Variants in PDZD2 observed in about 807,000 individuals in gnomAD.
PDZD2 encodes PDZ domain containing 2.
PDZD2 carries 90 observed loss-of-function variants against 220.7 expected under a neutral mutation model. The observed-to-expected ratio is 0.41, with a 90% CI of 0.34 to 0.49. The LOEUF (loss-of-function observed/expected upper bound fraction) is 0.49. Ranked by LOEUF, PDZD2 falls within the 20% of genes least tolerant of loss-of-function variation. The probability of loss-of-function intolerance (pLI) is 0.28; values close to 1 mark genes in which losing one functional copy is unlikely to be tolerated. For synonymous variants in PDZD2, 1,375 were observed against 1,450.5 expected (o/e 0.95, Z 1.18); for missense variants, 3,174 against 3,608.5 (o/e 0.88, Z 3.08).
chr5:31,736,475 C>A (rs375183), intron 1 of PDZD2, among the ~76,000 whole-genome samples: 53,963 of 152,026 alleles, frequency 0.35, 10,136 homozygotes, highest in East Asian at 0.66. Flanking sequence ...CATTTGCCCA[C>A]GCTAATGTGA....
chr5:32,031,218 C>G (rs1460677866), intron 6 of PDZD2, among the ~76,000 whole-genome samples: 1 of 152,212 alleles, frequency 6.6e-6, no homozygotes, highest in African/African-American at 2.4e-5. Context: ...TAGGAACCGT[C>G]AAGAGTCTTT....
intron 3 of PDZD2, among the ~76,000 whole-genome samples, chr5:31,987,771 G>C (rs917989736): frequency 1.3e-5 from 2 of 152,164 alleles, no homozygotes; most frequent in African/African-American, 4.8e-5. Flanking sequence ...TTCATTGGGG[G>C]TGACCAACCA....
At chr5:31,882,474 G>A (rs1352117155) in intron 2 of PDZD2, among the ~76,000 whole-genome samples, 1 of 152,178 alleles carries the variant, frequency 6.6e-6, no homozygotes, top group African/African-American at 2.4e-5. Context: ...AGGGAGGAGA[G>A]GGTGTTTTCA....
intron 1 of PDZD2, among the ~76,000 whole-genome samples, chr5:31,794,525 C>T (rs1050818567): frequency 6.6e-6 from 1 of 151,346 alleles, no homozygotes; most frequent in African/African-American, 2.4e-5. Context: ...CTCAGCCTCC[C>T]GAGTAGCTGG....
Position 32,091,109 on chromosome 5 carries a change from C to T in PDZD2, c.7661C>T (p.Pro2554Leu). The change falls in exon 20 of 25, where the codon CCC (proline) becomes CTC (leucine). Residue 2554 changes from proline (P) to leucine (L), a missense_variant. Pro to Leu is a moderately conservative substitution (Grantham distance 98). This residue lies in a region of PDZD2 where 631 missense variants were observed against 789.9 expected (regional missense o/e 0.80). Coordinates refer to ENST00000438447, the MANE Select transcript of PDZD2 (RefSeq NM_178140.4). ...CCTAAAACCAGTGCTGCTGAGACACCCAGTTCAGCCAGTGATACGGGTGAA... is the reference window on the plus strand; with the variant it reads ...CCTAAAACCAGTGCTGCTGAGACACTCAGTTCAGCCAGTGATACGGGTGAA... ...SGPKTSAAETPSSASDTGEAA... is the reference protein window; with the variant it reads ...SGPKTSAAETLSSASDTGEAA... The T allele has an allele frequency of 6.3e-7, 1 of 1,599,754 alleles. No homozygotes were observed. The highest frequency in any genetic ancestry group is 8.6e-7 in the Non-Finnish European group (1 of 1,168,210).
At position 31,967,964 on chromosome 5, in the gene PDZD2, G is replaced by A. The variant is rs528725644; in HGVS notation, c.477-15191G>A. On this transcript the variant is annotated intron_variant, in intron 2 of 24. Transcript: ENST00000438447. ...AAAATAAAATGCAGTTGATATGATT[G>A]CATGGTAACATGAATATATTAGCAT... 1.4e-4 allele frequency among the ~76,000 whole-genome samples: 22 copies of A among 152,340 alleles called. No homozygotes were observed. In the South Asian group the frequency reaches 4.1e-3, roughly 29 times the overall value.
At chr5:31,725,710 G>T (rs1308012875) in intron 1 of PDZD2, 1 of 886,972 alleles carries the variant, frequency 1.1e-6, no homozygotes, top group East Asian at 2.4e-5. Flanking sequence ...CTCTAGTTTT[G>T]GTATGAGATG....
chr5:31,889,012 C>G (rs1437741306), intron 2 of PDZD2, among the ~76,000 whole-genome samples: 1 of 152,164 alleles, frequency 6.6e-6, no homozygotes, highest in Non-Finnish European at 1.5e-5. Context: ...ATGCTCCTCC[C>G]CGAGCCCCCT....
intron 2 of PDZD2, among the ~76,000 whole-genome samples, chr5:31,925,090 T>C (rs1744622009): frequency 1.3e-5 from 2 of 152,230 alleles, no homozygotes; most frequent in South Asian, 4.1e-4. Context: ...ATCTATGTCC[T>C]GCAATGACCG....
At chr5:31,895,270 G>A (rs1741444362) in intron 2 of PDZD2, among the ~76,000 whole-genome samples, 1 of 152,210 alleles carries the variant, frequency 6.6e-6, no homozygotes, top group African/African-American at 2.4e-5. Context: ...TAACCCTGAA[G>A]GTTGAGGGTA....
intron 1 of PDZD2, among the ~76,000 whole-genome samples, chr5:31,793,264 T>A (rs1337931088): frequency 1.3e-5 from 1 of 79,750 alleles, no homozygotes; most frequent in African/African-American, 4.9e-5. Flanking sequence ...GGGTGGGGGG[T>A]GGGGGAACAG....
chr5:31,899,646 A>G (rs1741905822), intron 2 of PDZD2, among the ~76,000 whole-genome samples: 1 of 152,148 alleles, frequency 6.6e-6, no homozygotes, highest in Admixed American at 6.6e-5. Flanking sequence ...ACTATGATCG[A>G]ATGTTTATGT....
At chr5:31,699,196 G>T (rs571302473) in intron 1 of PDZD2, among the ~76,000 whole-genome samples, 33 of 152,264 alleles carry the variant, frequency 2.2e-4, no homozygotes, top group African/African-American at 7.7e-4. Flanking sequence ...GTTCATTGTG[G>T]TAAGTGCAGT....
At chr5:31,920,244 A>G (rs1293644559) in intron 2 of PDZD2, among the ~76,000 whole-genome samples, 1 of 152,086 alleles carries the variant, frequency 6.6e-6, no homozygotes, top group Non-Finnish European at 1.5e-5. Context: ...TGAGCGCGCC[A>G]CTGCACTCCA....
chr5:31,898,077 G>A (rs1741736277), intron 2 of PDZD2, among the ~76,000 whole-genome samples: 1 of 152,064 alleles, frequency 6.6e-6, no homozygotes, highest in African/African-American at 2.4e-5. Context: ...TCTAGAGGGT[G>A]GACACTCATC....
Position 32,110,878 on chromosome 5 carries a change from A to C in PDZD2, c.*2743A>C, listed in dbSNP as rs991612143. On this transcript the variant is annotated 3_prime_UTR_variant, in exon 25 of 25. Transcript: ENST00000438447. The stretch of plus-strand genomic sequence containing the variant: ...AAGTTATATAAATCCACATCTCTGT[A>C]AACAACCTTTTTTAAGTAATTTTAA... The C allele has an allele frequency of 1.3e-5, 2 of 152,364 alleles. No homozygotes were observed. The highest frequency in any genetic ancestry group is 6.5e-5 in the Admixed American group (1 of 15,278). 9.4% of individuals were successfully genotyped at this position (152,364 alleles called of 1,614,324 possible). A position where few individuals can be genotyped will look rare whatever the true frequency, so the allele number is the denominator to read the frequency against.
chr5:32,024,194 T>A (rs947757895), intron 6 of PDZD2, among the ~76,000 whole-genome samples: 4 of 152,180 alleles, frequency 2.6e-5, no homozygotes, highest in Non-Finnish European at 5.9e-5. Context: ...GAAGGAAAAG[T>A]CATATGCTGA....
At chr5:31,999,042 C>G (rs926021242) in intron 4 of PDZD2, among the ~76,000 whole-genome samples, 1 of 152,268 alleles carries the variant, frequency 6.6e-6, no homozygotes, top group African/African-American at 2.4e-5. Flanking sequence ...GTGTGCCATG[C>G]CAAGCCCTGA....
chr5:31,957,564 C>T (rs188020765), intron 2 of PDZD2, among the ~76,000 whole-genome samples: 77 of 152,282 alleles, frequency 5.1e-4, no homozygotes, highest in Non-Finnish European at 9.8e-4. Flanking sequence ...TGTTATGACC[C>T]AGATATCCAG....
Sources: gnomAD v4.1 joint callset for allele counts (sites outside exome capture counted in the v4.1 genomes callset) on GRCh38, gnomAD v4.1.1 for gene constraint, gnomAD v4.1.1 regional missense constraint, MANE v1.5 for transcripts, NCBI Gene and HGNC (gene_info 2026-07-23, HGNC 2026-07-21) for gene names.